Variants in GRID2 observed in about 807,000 individuals in gnomAD.
The protein encoded by GRID2 is glutamate ionotropic receptor delta type subunit 2.
A neutral mutation model predicts 114.8 loss-of-function variants in GRID2; 33 were observed. That is an observed-to-expected ratio of 0.29 (90% CI 0.22 to 0.38). The LOEUF (loss-of-function observed/expected upper bound fraction) is 0.38, where lower values mean the gene tolerates loss of function less well. GRID2 is among the 10% of genes least tolerant of loss of function. GRID2 has a pLI of 1.00. For synonymous variants in GRID2, 505 were observed against 449.9 expected, an observed-to-expected ratio of 1.12 and a Z score of -1.55; for missense variants, 1,184 against 1,257.7, an observed-to-expected ratio of 0.94 and a Z score of 0.89.
At chr4:92,504,581 T>C (rs1177127393) in intron 1 of GRID2, among the ~76,000 whole-genome samples, 4 of 152,084 alleles carry the variant, frequency 2.6e-5, no homozygotes, top group Non-Finnish European at 5.9e-5. Context: ...TTTCATATGT[T>C]TTGGTGCAGT....
intron 13 of GRID2, among the ~76,000 whole-genome samples, chr4:93,573,623 T>G (rs998805275): frequency 6.6e-6 from 1 of 152,186 alleles, no homozygotes; most frequent in African/African-American, 2.4e-5. Context: ...ATATTGCTGC[T>G]GCTGGACTTT....
intron 1 of GRID2, among the ~76,000 whole-genome samples, chr4:93,786,277 T>G (rs1047475569): frequency 1.3e-4 from 20 of 152,108 alleles, no homozygotes; most frequent in African/African-American, 4.8e-4. Flanking sequence ...GAAGGACACA[T>G]ACACTGCTCT....
rs1489991345 is a variant in GRID2 at position 93,211,339 on chromosome 4, TTA to T, written c.789+3884_789+3885del. On this transcript the variant is annotated intron_variant, in intron 5 of 15. Coordinates refer to ENST00000282020, the MANE Select transcript of GRID2 (RefSeq NM_001510.4). ...ATAGTATGGAAAAAATAATAAAAATTTATGTTTTATTGTATTTTTCATAAGCA... is the reference window on the plus strand; with the variant it reads ...ATAGTATGGAAAAAATAATAAAAATTTGTTTTATTGTATTTTTCATAAGCA... Among the ~76,000 whole-genome samples, 3 of 152,216 alleles carry T rather than the reference TTA, an allele frequency of 2.0e-5. No homozygotes were observed. In the East Asian group the frequency reaches 5.8e-4, roughly 29 times the overall value.
At chr4:93,384,873 G>T (rs1054558976) in intron 8 of GRID2, among the ~76,000 whole-genome samples, 1 of 152,146 alleles carries the variant, frequency 6.6e-6, no homozygotes, top group African/African-American at 2.4e-5. Context: ...ACAGATATGG[G>T]AAGCATATTT....
intron 1 of GRID2, among the ~76,000 whole-genome samples, chr4:92,427,550 A>G (rs1288541891): frequency 6.6e-6 from 1 of 152,208 alleles, no homozygotes; most frequent in Non-Finnish European, 1.5e-5. Flanking sequence ...TAGACCTTCT[A>G]TTTTGCCTTA....
At chr4:93,710,405 T>C (rs1261418453) in intron 14 of GRID2, among the ~76,000 whole-genome samples, 1 of 152,226 alleles carries the variant, frequency 6.6e-6, no homozygotes, top group Non-Finnish European at 1.5e-5. Context: ...ACTCTTGTTC[T>C]CTTCCTTTAC....
intron 4 of GRID2, among the ~76,000 whole-genome samples, chr4:93,170,211 G>T (rs1313932956): frequency 6.6e-6 from 1 of 152,064 alleles, no homozygotes; most frequent in East Asian, 1.9e-4. Context: ...AGCCACTCAA[G>T]TTGCTGGAAT....
At chr4:93,007,176 C>T (rs1294438272) in intron 2 of GRID2, among the ~76,000 whole-genome samples, 3 of 151,768 alleles carry the variant, frequency 2.0e-5, no homozygotes, top group East Asian at 1.9e-4. Flanking sequence ...ATAAGTGCCA[C>T]TGGGGAAGGA....
intron 2 of GRID2, among the ~76,000 whole-genome samples, chr4:92,807,941 G>C (rs1365243093): frequency 6.6e-6 from 1 of 151,968 alleles, no homozygotes; most frequent in Non-Finnish European, 1.5e-5. Flanking sequence ...CCCAAAACCT[G>C]TGAACATATT....
chr4:93,279,096 A>G (rs1394559717), intron 8 of GRID2, among the ~76,000 whole-genome samples: 1 of 151,828 alleles, frequency 6.6e-6, no homozygotes, highest in Non-Finnish European at 1.5e-5. Flanking sequence ...ATATTTGATT[A>G]CCCTTTTAAA....
chr4:93,259,260 G>A (rs1749973877), intron 8 of GRID2, among the ~76,000 whole-genome samples: 1 of 151,576 alleles, frequency 6.6e-6, no homozygotes, highest in Non-Finnish European at 1.5e-5. Flanking sequence ...AACTGTGAAG[G>A]GATTTAACTT....
At chr4:92,703,886 T>C (rs1734804876) in intron 2 of GRID2, among the ~76,000 whole-genome samples, 2 of 152,096 alleles carry the variant, frequency 1.3e-5, no homozygotes, top group South Asian at 4.2e-4. Flanking sequence ...GAAACAAAAA[T>C]AAAAGACAAT....
chr4:92,572,614 A>G (rs568193868), intron 1 of GRID2, among the ~76,000 whole-genome samples: 2 of 152,244 alleles, frequency 1.3e-5, no homozygotes, highest in South Asian at 4.1e-4. Flanking sequence ...ATTGATTTGC[A>G]TATGTTGAAT....
chr4:92,562,709 A>G (rs1727154763), intron 1 of GRID2, among the ~76,000 whole-genome samples: 1 of 152,136 alleles, frequency 6.6e-6, no homozygotes, highest in African/African-American at 2.4e-5. Flanking sequence ...TGGAGTCCAA[A>G]CTGGATTTGA....
At chr4:93,375,844 A>C (rs1763326372) in intron 8 of GRID2, among the ~76,000 whole-genome samples, 1 of 152,286 alleles carries the variant, frequency 6.6e-6, no homozygotes, top group African/African-American at 2.4e-5. Context: ...GCCATCACTA[A>C]TTATATTAGT....
intron 2 of GRID2, among the ~76,000 whole-genome samples, chr4:92,786,158 ACTT>A (rs1242883797): frequency 1.4e-4 from 22 of 151,776 alleles, no homozygotes; most frequent in African/African-American, 4.6e-4. Context: ...CTTGCCTAAA[ACTT>A]CTTGTATTTT....
intron 9 of GRID2, among the ~76,000 whole-genome samples, chr4:93,420,454 A>G (rs1768146441): frequency 6.6e-6 from 1 of 152,170 alleles, no homozygotes; most frequent in Non-Finnish European, 1.5e-5. Context: ...AATTGTGTAA[A>G]GTTTTATTAT....
intron 8 of GRID2, among the ~76,000 whole-genome samples, chr4:93,281,078 C>G (rs758717517): frequency 6.6e-6 from 1 of 151,650 alleles, no homozygotes; most frequent in Non-Finnish European, 1.5e-5. Flanking sequence ...ATACATTATA[C>G]TATTTTGATA....
chr4:92,794,246 G>A (rs1739742949), intron 2 of GRID2, among the ~76,000 whole-genome samples: 2 of 151,838 alleles, frequency 1.3e-5, no homozygotes, highest in Non-Finnish European at 2.9e-5. Context: ...GAGATTACAG[G>A]CATGAGCCAC....
Sources: gnomAD v4.1 joint callset for allele counts (sites outside exome capture counted in the v4.1 genomes callset) on GRCh38, gnomAD v4.1.1 for gene constraint, MANE v1.5 for transcripts, NCBI Gene and HGNC (gene_info 2026-07-23, HGNC 2026-07-21) for gene names.